Variants in SH3RF3 observed in about 807,000 individuals in gnomAD.
SH3RF3 encodes SH3 domain containing ring finger 3.
A neutral mutation model predicts 66.3 loss-of-function variants in SH3RF3; 29 were observed. That is an observed-to-expected ratio of 0.44 (90% CI 0.33 to 0.60). The LOEUF (loss-of-function observed/expected upper bound fraction) is 0.60, where lower values mean the gene tolerates loss of function less well. Ranked by LOEUF, SH3RF3 falls within the 20% of genes least tolerant of loss-of-function variation. The pLI is 0.04. For missense variants in SH3RF3, 1,194 were observed against 1,190.9 expected, an observed-to-expected ratio of 1.00 and a Z score of -0.04; for synonymous variants, 583 against 532.0, an observed-to-expected ratio of 1.10 and a Z score of -1.32.
At chr2:109,302,354 G>A (rs976593984) in intron 1 of SH3RF3, among the ~76,000 whole-genome samples, 5 of 152,236 alleles carry the variant, frequency 3.3e-5, no homozygotes, top group African/African-American at 9.6e-5. Context: ...TGCAGGAACA[G>A]CAAGGTGAAA....
At chr2:109,293,093 G>T (rs1434993933) in intron 1 of SH3RF3, among the ~76,000 whole-genome samples, 1 of 152,198 alleles carries the variant, frequency 6.6e-6, no homozygotes, top group East Asian at 1.9e-4. Context: ...AAGCAGGAAG[G>T]ACTGTCTCGC....
intron 1 of SH3RF3, among the ~76,000 whole-genome samples, chr2:109,241,454 C>CT (rs1043932912): frequency 7.9e-5 from 12 of 151,672 alleles, no homozygotes; most frequent in African/African-American, 2.2e-4. Flanking sequence ...TAGGAATGTC[C>CT]TTTTTTTTTC....
In SH3RF3 at chr2:109,154,186, C is replaced by G. The variant is rs995712853; in HGVS notation, c.573+24073C>G. On this transcript the variant is annotated intron_variant, in intron 1 of 9. Coordinates refer to ENST00000309415, the MANE Select transcript of SH3RF3 (RefSeq NM_001099289.3). ...AATGTCATCCCTACATGGGGCTCAG[C>G]AGATGGGTCTAATCAGGCCTAGCAT... 9.2e-5 allele frequency among the ~76,000 whole-genome samples: 14 copies of G among 152,178 alleles called. No individual in the cohort carries two copies. The East Asian group carries it at 2.3e-3, about 25-fold the overall frequency.
chr2:109,175,750 T>C (rs759107605), intron 1 of SH3RF3, among the ~76,000 whole-genome samples: 15 of 152,204 alleles, frequency 9.9e-5, no homozygotes, highest in Non-Finnish European at 2.1e-4. Context: ...CTTTGAACAG[T>C]GTAATTGTAA....
chr2:109,501,828 G>T lies in SH3RF3; in HGVS notation c.*157G>T. On this transcript the variant is annotated 3_prime_UTR_variant, in exon 10 of 10. Coordinates refer to ENST00000309415, the MANE Select transcript of SH3RF3 (RefSeq NM_001099289.3). The stretch of plus-strand genomic sequence containing the variant: ...GCCCAGGGTGGGGGCCAGGGACTGT[G>T]GAGGTCGTGCCTTCTCCCAAAACCC... 1.7e-6 allele frequency: 1 copy of T among 595,512 alleles called. No individual in the cohort carries two copies. The highest frequency in any genetic ancestry group is 3.0e-6 in the Non-Finnish European group (1 of 334,492). The allele number at this position is 595,512 out of a possible 1,614,324, so 36.9% of individuals were successfully genotyped here.
At position 109,460,069 on chromosome 2, in the gene SH3RF3, G is replaced by C. The variant is rs79601667; in HGVS notation, c.2148+10580G>C. 3.5e-3 allele frequency among the ~76,000 whole-genome samples: 527 copies of C among 152,290 alleles called. 19 individuals are homozygous for C. The East Asian group carries it at 0.061, about 18-fold the overall frequency. ...TGTCAAGCCAGCTGCCAGCATAATG[G>C]GGAACATGGTAGAGCCAGTGAGTTC... On this transcript the variant is annotated intron_variant, in intron 8 of 9. Transcript: ENST00000309415.
Position 109,349,831 on chromosome 2 carries a change from C to T in SH3RF3, c.849+1882C>T, listed in dbSNP as rs547986373. Among the ~76,000 whole-genome samples, 4 of 152,368 alleles carry T rather than the reference C, an allele frequency of 2.6e-5. No homozygotes were observed. The East Asian group carries it at 5.8e-4, about 22-fold the overall frequency. The stretch of plus-strand genomic sequence containing the variant: ...TCACCATATAACCTGCTGCATTCCA[C>T]GGGCCTCTGCCCAGGATGTGCAACC... On this transcript the variant is annotated intron_variant, in intron 2 of 9. Coordinates refer to ENST00000309415, the MANE Select transcript of SH3RF3 (RefSeq NM_001099289.3).
At chr2:109,402,083 C>T (rs1367024374) in intron 4 of SH3RF3, among the ~76,000 whole-genome samples, 1 of 152,234 alleles carries the variant, frequency 6.6e-6, no homozygotes, top group Non-Finnish European at 1.5e-5. Flanking sequence ...GAAGGGGCAC[C>T]TGGTGCAGGT....
intron 1 of SH3RF3, among the ~76,000 whole-genome samples, chr2:109,142,201 C>T (rs572421050): frequency 2.0e-4 from 30 of 152,276 alleles, no homozygotes; most frequent in African/African-American, 7.0e-4. Flanking sequence ...CGGACTCTTG[C>T]GCCTTTGTGA....
At chr2:109,315,659 G>A (rs1681861447) in intron 1 of SH3RF3, among the ~76,000 whole-genome samples, 2 of 152,212 alleles carry the variant, frequency 1.3e-5, no homozygotes, top group South Asian at 4.1e-4. Context: ...AGGCTTTCCT[G>A]GCAGTCTATA....
chr2:109,298,910 C>T (rs1030170229), intron 1 of SH3RF3, among the ~76,000 whole-genome samples: 3 of 152,200 alleles, frequency 2.0e-5, no homozygotes, highest in Admixed American at 6.5e-5. Flanking sequence ...TGCCAGTCCT[C>T]AACTCAGAAT....
At chr2:109,230,279 G>C (rs1427988606) in intron 1 of SH3RF3, among the ~76,000 whole-genome samples, 2 of 152,126 alleles carry the variant, frequency 1.3e-5, no homozygotes, top group African/African-American at 4.8e-5. Flanking sequence ...ACTTCCAGTA[G>C]AAATCTGTAA....
At position 109,393,095 on chromosome 2, in the gene SH3RF3, T is replaced by C. The variant is rs902174240; in HGVS notation, c.946-5495T>C. 2.0e-5 allele frequency among the ~76,000 whole-genome samples: 3 copies of C among 152,324 alleles called. No individual in the cohort carries two copies. The South Asian group carries it at 6.2e-4, about 32-fold the overall frequency. On this transcript the variant is annotated intron_variant, in intron 3 of 9. Coordinates refer to ENST00000309415, the MANE Select transcript of SH3RF3 (RefSeq NM_001099289.3). Reference sequence around the variant, plus strand: ...TCAGTGAGGGGAAGCTCCTGAGATGTCTCCCAACAAAAGCTTCAGGCAGGC... The same window carrying C: ...TCAGTGAGGGGAAGCTCCTGAGATGCCTCCCAACAAAAGCTTCAGGCAGGC...
At chr2:109,353,172 C>T (rs1284853471) in intron 2 of SH3RF3, among the ~76,000 whole-genome samples, 1 of 152,244 alleles carries the variant, frequency 6.6e-6, no homozygotes, top group Non-Finnish European at 1.5e-5. Context: ...TCACCCAGTC[C>T]TTGCTCCCTC....
intron 1 of SH3RF3, among the ~76,000 whole-genome samples, chr2:109,222,600 C>T (rs979293219): frequency 2.6e-5 from 4 of 152,208 alleles, no homozygotes; most frequent in African/African-American, 7.2e-5. Flanking sequence ...ATCCACAGCA[C>T]GCGTGTGCCC....
At chr2:109,321,228 T>TATCCTCGG (rs1204298430) in intron 1 of SH3RF3, among the ~76,000 whole-genome samples, 2 of 152,248 alleles carry the variant, frequency 1.3e-5, no homozygotes, top group Non-Finnish European at 2.9e-5. Flanking sequence ...TCAAACCTTA[T>TATCCTCGG]ATCCTCGGAT....
Position 109,464,067 on chromosome 2 carries a change from C to T in SH3RF3, c.2148+14578C>T, listed in dbSNP as rs1040602081. Among the ~76,000 whole-genome samples the T allele has an allele frequency of 2.0e-5, 3 of 152,186 alleles. No individual in the cohort carries two copies. The East Asian group carries it at 5.8e-4, about 29-fold the overall frequency. On this transcript the variant is annotated intron_variant, in intron 8 of 9. Coordinates refer to ENST00000309415, the MANE Select transcript of SH3RF3 (RefSeq NM_001099289.3). ...ACAGATGGCATCTGTGCTGGTAGAC[C>T]TGCCAGCCCCCACACTGCCAGCAGG...
intron 1 of SH3RF3, among the ~76,000 whole-genome samples, chr2:109,249,465 T>TTCTCTCTC (rs1326673748): frequency 8.0e-6 from 1 of 125,646 alleles, no homozygotes; most frequent in African/African-American, 3.1e-5. Context: ...CTTTCTCTCT[T>TTCTCTCTC]TCTCTTTCTT....
rs1679410165 is a variant in SH3RF3 at position 109,502,252 on chromosome 2, G to A, written c.*581G>A. On this transcript the variant is annotated 3_prime_UTR_variant, in exon 10 of 10. Coordinates refer to ENST00000309415, the MANE Select transcript of SH3RF3 (RefSeq NM_001099289.3). ...GTTGGGAACCAGAGCAGAATCTGTGGGCTTGTCGCCTGCCAGTAGTATAAG... is the reference window on the plus strand; with the variant it reads ...GTTGGGAACCAGAGCAGAATCTGTGAGCTTGTCGCCTGCCAGTAGTATAAG... 6.6e-6 allele frequency: 1 copy of A among 152,160 alleles called. No homozygotes were observed. Among genetic ancestry groups the A allele is most frequent in the Non-Finnish European group, 1.5e-5 (1 of 68,042 alleles). The allele number at this position is 152,160 out of a possible 1,614,324, so 9.4% of individuals were successfully genotyped here. A position where few individuals can be genotyped will look rare whatever the true frequency, so the allele number is the denominator to read the frequency against.
Sources: allele counts gnomAD v4.1 joint callset (sites outside exome capture counted in the v4.1 genomes callset), GRCh38; gene constraint gnomAD v4.1.1; transcripts MANE v1.5; gene names NCBI Gene and HGNC (gene_info 2026-07-23, HGNC 2026-07-21).